CNTNAP2: variants seen among roughly 807,000 people sequenced by gnomAD.
CNTNAP2 encodes the protein contactin associated protein 2, also known as contactin-associated protein-like 2.
CNTNAP2 carries 98 observed loss-of-function variants against 155.2 expected under a neutral mutation model. The observed-to-expected ratio is 0.63, with a 90% confidence interval of 0.54 to 0.75. CNTNAP2 has a LOEUF of 0.75. Ranked by LOEUF, CNTNAP2 falls within the 30% of genes least tolerant of loss-of-function variation. The probability of loss-of-function intolerance (pLI) is 0.00; values close to 1 mark genes in which losing one functional copy is unlikely to be tolerated. For synonymous variants in CNTNAP2, 651 were observed against 631.2 expected, an observed-to-expected ratio of 1.03 and a Z score of -0.47; for missense variants, 1,727 against 1,688.1, an observed-to-expected ratio of 1.02 and a Z score of -0.40.
At chr7:148,405,228 C>T (rs1799671488) in intron 22 of CNTNAP2, among the ~76,000 whole-genome samples, 1 of 152,108 alleles carries the variant, frequency 6.6e-6, no homozygotes, top group South Asian at 2.1e-4. Context: ...AGAAATCCAG[C>T]TCAAGGGAGT....
At chr7:146,129,203 T>TA (rs1797679950) in intron 1 of CNTNAP2, among the ~76,000 whole-genome samples, 2 of 152,184 alleles carry the variant, frequency 1.3e-5, no homozygotes, top group Non-Finnish European at 2.9e-5. Context: ...TTTTGGAATT[T>TA]AAAATGTGTT....
intron 8 of CNTNAP2, among the ~76,000 whole-genome samples, chr7:147,247,654 G>A (rs1327791570): frequency 6.6e-6 from 1 of 152,098 alleles, no homozygotes; most frequent in Non-Finnish European, 1.5e-5. Flanking sequence ...GAGATACATT[G>A]CTGTTAAAAA....
intron 1 of CNTNAP2, among the ~76,000 whole-genome samples, chr7:146,768,182 A>G (rs1056721926): frequency 6.6e-6 from 1 of 151,876 alleles, no homozygotes; most frequent in Non-Finnish European, 1.5e-5. Flanking sequence ...GCTCTGGCCA[A>G]ACCTCCCAAC....
intron 1 of CNTNAP2, among the ~76,000 whole-genome samples, chr7:146,379,509 C>A (rs767902021): frequency 9.9e-5 from 15 of 152,086 alleles, no homozygotes; most frequent in Non-Finnish European, 2.1e-4. Context: ...GGTATTTGAC[C>A]AATGGCAACT....
At chr7:146,654,183 C>T (rs779501615) in intron 1 of CNTNAP2, among the ~76,000 whole-genome samples, 26 of 152,104 alleles carry the variant, frequency 1.7e-4, no homozygotes, top group Middle Eastern at 3.4e-3. Context: ...TGCACATAAA[C>T]ATTTGGCTCC....
At chr7:147,013,233 T>C (rs1798658734) in intron 3 of CNTNAP2, among the ~76,000 whole-genome samples, 1 of 152,056 alleles carries the variant, frequency 6.6e-6, no homozygotes, top group African/African-American at 2.4e-5. Flanking sequence ...GGTCAACCAT[T>C]TTGCTAGTCA....
At chr7:147,755,732 A>C (rs907732704) in intron 13 of CNTNAP2, among the ~76,000 whole-genome samples, 1 of 152,200 alleles carries the variant, frequency 6.6e-6, no homozygotes, top group Non-Finnish European at 1.5e-5. Context: ...GTAGCCATCC[A>C]GTTCGCACTG....
chr7:147,218,490 C>G (rs923342218), intron 8 of CNTNAP2, among the ~76,000 whole-genome samples: 1 of 151,272 alleles, frequency 6.6e-6, no homozygotes, highest in African/African-American at 2.4e-5. Flanking sequence ...AAATTTCCCA[C>G]TTTATCCATG....
chr7:146,274,357 C>T (rs993171338), intron 1 of CNTNAP2, among the ~76,000 whole-genome samples: 3 of 152,230 alleles, frequency 2.0e-5, no homozygotes, highest in South Asian at 2.1e-4. Flanking sequence ...CTGAGTTTTG[C>T]GTTCTGAGTT....
intron 1 of CNTNAP2, among the ~76,000 whole-genome samples, chr7:146,726,781 A>G (rs1801438068): frequency 6.6e-6 from 1 of 152,192 alleles, no homozygotes; most frequent in Admixed American, 6.5e-5. Context: ...TAATCTATAA[A>G]TGAACATTAA....
intron 4 of CNTNAP2, 94 bp from the exon 5 acceptor site, chr7:147,108,049 CACTT>C (rs1369222712): frequency 9.4e-6 from 10 of 1,069,232 alleles, no homozygotes; most frequent in African/African-American, 3.1e-5. Flanking sequence ...TCAAGAAAAA[CACTT>C]ACTTAATTCT....
intron 13 of CNTNAP2, among the ~76,000 whole-genome samples, chr7:147,889,399 G>A (rs1799649475): frequency 6.6e-6 from 1 of 151,716 alleles, no homozygotes; most frequent in East Asian, 1.9e-4. Context: ...AAAACATTAA[G>A]GACACCACAA....
chr7:147,626,055 A>T (rs900640883), intron 12 of CNTNAP2, among the ~76,000 whole-genome samples: 2 of 152,148 alleles, frequency 1.3e-5, no homozygotes, highest in African/African-American at 4.8e-5. Context: ...GATATCTTAT[A>T]GGGGCCCTTG....
At chr7:147,698,954 G>C (rs1050217663) in intron 13 of CNTNAP2, among the ~76,000 whole-genome samples, 2 of 152,084 alleles carry the variant, frequency 1.3e-5, no homozygotes, top group Non-Finnish European at 2.9e-5. Flanking sequence ...TCAAGTGAAG[G>C]AGTGGGACAG....
intron 13 of CNTNAP2, among the ~76,000 whole-genome samples, chr7:147,898,507 A>G (rs1002224291): frequency 6.6e-6 from 1 of 151,428 alleles, no homozygotes. Flanking sequence ...ATGGAATTTT[A>G]ACCCATATAC....
intron 8 of CNTNAP2, among the ~76,000 whole-genome samples, chr7:147,235,844 C>T (rs1016622745): frequency 2.0e-4 from 30 of 151,476 alleles, no homozygotes; most frequent in African/African-American, 7.0e-4. Context: ...AGTAGATGCC[C>T]GAGGGACTAC....
chr7:147,357,918 C>T (rs1796090644), intron 9 of CNTNAP2, among the ~76,000 whole-genome samples: 1 of 151,896 alleles, frequency 6.6e-6, no homozygotes, highest in African/African-American at 2.4e-5. Flanking sequence ...GAATGAAAAA[C>T]AAAAAGTAAA....
At chr7:147,812,330 T>C (rs76371565) in intron 13 of CNTNAP2, among the ~76,000 whole-genome samples, 4,866 of 152,204 alleles carry the variant, frequency 0.032, 131 homozygotes, top group Non-Finnish European at 0.051. Context: ...AATTTATTTT[T>C]GCAAAAATAT....
At chr7:147,134,375 T>C (rs547977178) in intron 8 of CNTNAP2, among the ~76,000 whole-genome samples, 31 of 152,042 alleles carry the variant, frequency 2.0e-4, no homozygotes, top group Admixed American at 5.9e-4. Flanking sequence ...AAAAATGGAC[T>C]GAAGAGTTTT....
Sources: gnomAD v4.1 joint callset for allele counts (sites outside exome capture counted in the v4.1 genomes callset) on GRCh38, gnomAD v4.1.1 for gene constraint, MANE v1.5 for transcripts, NCBI Gene and HGNC (gene_info 2026-07-23, HGNC 2026-07-21) for gene names.